The following AGAP1 variants were observed in gnomAD, a reference collection of about 807,000 sequenced individuals.
The protein encoded by AGAP1 is ArfGAP with GTPase domain, ankyrin repeat and PH domain 1, also known as arf-GAP with GTPase, ANK repeat and PH domain-containing protein 1.
AGAP1 carries 29 observed loss-of-function variants against 105.3 expected under a neutral mutation model. That is an observed-to-expected ratio of 0.28 (90% confidence interval 0.21 to 0.38). The LOEUF (loss-of-function observed/expected upper bound fraction) is 0.38. AGAP1 is among the 10% of genes least tolerant of loss of function. AGAP1 has a pLI of 1.00. For synonymous variants in AGAP1, 509 were observed against 485.9 expected (o/e 1.05, Z -0.63); for missense variants, 998 against 1,165.1 (o/e 0.86, Z 2.09).
rs1951483665 is a variant in AGAP1 at position 235,723,393 on chromosome 2, G to T, written c.310+5749G>T. 6.6e-6 allele frequency among the ~76,000 whole-genome samples: 1 copy of T among 152,160 alleles called. No homozygotes were observed. The highest frequency in any genetic ancestry group is 2.4e-5 in the African/African-American group (1 of 41,426). On this transcript the variant is annotated intron_variant, in intron 3 of 17. Coordinates refer to ENST00000304032, the MANE Select transcript of AGAP1 (RefSeq NM_001037131.3). This position sits in a 1 kb window ranked among gnomAD's most constrained non-coding sequence, Gnocchi z 6.2. Reference sequence around the variant, plus strand: ...AAGAGAAAAAGTCAAAGGAAACAAAGCTAGGATGTCCAGTATTATGTGGAC... The same window carrying T: ...AAGAGAAAAAGTCAAAGGAAACAAATCTAGGATGTCCAGTATTATGTGGAC...
At chr2:235,878,404 T>G (rs2049851655) in intron 9 of AGAP1, among the ~76,000 whole-genome samples, 2 of 152,158 alleles carry the variant, frequency 1.3e-5, no homozygotes, top group Non-Finnish European at 2.9e-5. Flanking sequence ...GTCGCTGTGT[T>G]GCACAACCCC....
At position 235,842,130 on chromosome 2, in the gene AGAP1, G is replaced by T. The variant is rs1024080706; in HGVS notation, c.1050+34799G>T. ...GGCTGCCCCTCTCCCCAGCCTGCTG[G>T]CGTTGGGCTTCCTCCGCTCCTGGTT... On this transcript the variant is annotated intron_variant, in intron 9 of 17. Coordinates refer to ENST00000304032, the MANE Select transcript of AGAP1 (RefSeq NM_001037131.3). The surrounding 1 kb of genome is among the most constrained non-coding windows in gnomAD (Gnocchi z 5.3). Among the ~76,000 whole-genome samples, 4 of 152,210 alleles carry T rather than the reference G, an allele frequency of 2.6e-5. No individual in the cohort carries two copies. Among genetic ancestry groups the T allele is most frequent in the Non-Finnish European group, 5.9e-5 (4 of 68,042 alleles).
Position 235,882,447 on chromosome 2 carries a change from G to A in AGAP1, c.1051-898G>A. ...CTGCGTCTCCGTTTTCTTCAGCTTGGCCCTATTGAAGCTGGCGATTCCCCC... is the reference window on the plus strand; with the variant it reads ...CTGCGTCTCCGTTTTCTTCAGCTTGACCCTATTGAAGCTGGCGATTCCCCC... On this transcript the variant is annotated intron_variant, in intron 9 of 17. Coordinates refer to ENST00000304032, the MANE Select transcript of AGAP1 (RefSeq NM_001037131.3). This position sits in a 1 kb window ranked among gnomAD's most constrained non-coding sequence, Gnocchi z 4.6. 1 of 1,586,008 alleles carries A rather than the reference G, an allele frequency of 6.3e-7. No homozygotes were observed. Among genetic ancestry groups the A allele is most frequent in the Non-Finnish European group, 8.6e-7 (1 of 1,158,022 alleles).
At chr2:235,849,828 A>G (rs1008850512) in intron 9 of AGAP1, among the ~76,000 whole-genome samples, 5 of 152,140 alleles carry the variant, frequency 3.3e-5, no homozygotes, top group Non-Finnish European at 5.9e-5. Flanking sequence ...GAAGACGAGC[A>G]TGGTCTGGGC....
chr2:235,911,882 A>G (rs1332488528), intron 11 of AGAP1, among the ~76,000 whole-genome samples: 2 of 152,234 alleles, frequency 1.3e-5, no homozygotes, highest in African/African-American at 4.8e-5. Flanking sequence ...CCAACTAGGG[A>G]TAGAGAAGTG....
chr2:235,660,309 G>A lies in AGAP1; in HGVS notation c.164-48870G>A, dbSNP rs1288845869. ...GGAGGCACTGTGTGGAAGGGTAAAT[G>A]GGCTTCCTGGGGGTTTAGTACAAGT... On this transcript the variant is annotated intron_variant, in intron 1 of 17. Transcript: ENST00000304032. This position sits in a 1 kb window ranked among gnomAD's most constrained non-coding sequence, Gnocchi z 5.3. Among the ~76,000 whole-genome samples, 3 of 152,160 alleles carry A rather than the reference G, an allele frequency of 2.0e-5. No individual in the cohort carries two copies. Among genetic ancestry groups the A allele is most frequent in the Non-Finnish European group, 2.9e-5 (2 of 68,018 alleles).
At position 235,750,433 on chromosome 2, in the gene AGAP1, G is replaced by A. The variant is rs139143512; in HGVS notation, c.618G>A (p.Thr206=). 2.5e-5 allele frequency: 41 copies of A among 1,614,160 alleles called. No individual in the cohort carries two copies. The African/African-American group carries it at 2.9e-4, about 12-fold the overall frequency. Reference sequence around the variant, plus strand: ...TCTCCAACGACCTGAAACGGTGCACGTACTACGAGACGTGTGCTACATACG... The same window carrying A: ...TCTCCAACGACCTGAAACGGTGCACATACTACGAGACGTGTGCTACATACG... The part of the protein sequence containing the change: ...RKLSNDLKRC[T]YYETCATYGL... The change falls in exon 6 of 18, where the codon ACG becomes ACA. Residue 206 remains threonine (T), a synonymous_variant. Coordinates refer to ENST00000304032, the MANE Select transcript of AGAP1 (RefSeq NM_001037131.3). This position sits in a 1 kb window ranked among gnomAD's most constrained non-coding sequence, Gnocchi z 5.3.
chr2:236,052,101 G>A (rs1356561049), intron 16 of AGAP1, among the ~76,000 whole-genome samples: 2 of 152,114 alleles, frequency 1.3e-5, no homozygotes, highest in Non-Finnish European at 2.9e-5. Flanking sequence ...ACAGCTGGAA[G>A]GTTCTTTTAA....
rs1952532872 is a variant in AGAP1, at chr2:235,740,770, G to C, written c.311-193G>C. Among the ~76,000 whole-genome samples the C allele has an allele frequency of 6.6e-6, 1 of 152,252 alleles. No homozygotes were observed. The highest frequency in any genetic ancestry group is 2.1e-4 in the South Asian group (1 of 4,834). Reference sequence around the variant, plus strand: ...GCCTTCCAACTGGAAACGCACAGGGGTTCTTAAAGACAAACATTTAAATCT... The same window carrying C: ...GCCTTCCAACTGGAAACGCACAGGGCTTCTTAAAGACAAACATTTAAATCT... On this transcript the variant is annotated intron_variant, in intron 3 of 17. Transcript: ENST00000304032. This position sits in a 1 kb window ranked among gnomAD's most constrained non-coding sequence, Gnocchi z 5.7.
chr2:235,938,877 T>C (rs1365870859), intron 12 of AGAP1, among the ~76,000 whole-genome samples: 1 of 151,972 alleles, frequency 6.6e-6, no homozygotes, highest in African/African-American at 2.4e-5. Context: ...TGGCTGCCCA[T>C]TATATTCTTG....
In AGAP1 at chr2:235,919,770, G is replaced by T. The variant is rs1285707074; in HGVS notation, c.1324+10864G>T. The stretch of plus-strand genomic sequence containing the variant: ...AAGGAGAAAGAATATTGTAAAGATG[G>T]AACCGTTATTCATGGCAAAGGAAGA... On this transcript the variant is annotated intron_variant, in intron 11 of 17. Coordinates refer to ENST00000304032, the MANE Select transcript of AGAP1 (RefSeq NM_001037131.3). This position sits in a 1 kb window ranked among gnomAD's most constrained non-coding sequence, Gnocchi z 4.1. 2.6e-5 allele frequency among the ~76,000 whole-genome samples: 4 copies of T among 152,122 alleles called. No homozygotes were observed. The highest frequency in any genetic ancestry group is 5.9e-5 in the Non-Finnish European group (4 of 68,014).
intron 1 of AGAP1, among the ~76,000 whole-genome samples, chr2:235,536,872 T>C (rs1426776084): frequency 6.6e-6 from 1 of 152,190 alleles, no homozygotes; most frequent in Non-Finnish European, 1.5e-5. Flanking sequence ...TTCCAGGGAC[T>C]GCGGCTTCCT....
Position 236,123,839 on chromosome 2 carries a change from A to G in AGAP1, c.2371-80A>G, listed in dbSNP as rs2059958760. 1.9e-6 allele frequency: 3 copies of G among 1,549,872 alleles called. No homozygotes were observed. Among genetic ancestry groups the G allele is most frequent in the East Asian group, 4.5e-5 (2 of 44,108 alleles). ...GCTGTCCAAGCACAAGCCACATGCA[A>G]GGGCTGAGAGAAAGCTTCCCTGCCC... On this transcript the variant is annotated intron_variant, in intron 17 of 17. Coordinates refer to ENST00000304032, the MANE Select transcript of AGAP1 (RefSeq NM_001037131.3). This position sits in a 1 kb window ranked among gnomAD's most constrained non-coding sequence, Gnocchi z 4.6.
At chr2:236,107,325 C>G (rs2059524016) in intron 16 of AGAP1, among the ~76,000 whole-genome samples, 1 of 152,200 alleles carries the variant, frequency 6.6e-6, no homozygotes, top group African/African-American at 2.4e-5. Context: ...AGACACCAAA[C>G]AGACCCTTGG....
chr2:235,754,998 A>G lies in AGAP1; in HGVS notation c.673+4510A>G, dbSNP rs1380874602. On this transcript the variant is annotated intron_variant, in intron 6 of 17. Transcript: ENST00000304032. The surrounding 1 kb of genome is among the most constrained non-coding windows in gnomAD (Gnocchi z 4.6). ...TTGCGGGGCTGGGTGAGCTGGTTCC[A>G]CAAGATGGTTTCTGCTTGACCTGGG... is the stretch of plus-strand genomic sequence containing the variant. Among the ~76,000 whole-genome samples the G allele has an allele frequency of 1.3e-5, 2 of 152,178 alleles. No homozygotes were observed. Among genetic ancestry groups the G allele is most frequent in the Non-Finnish European group, 1.5e-5 (1 of 68,034 alleles).
chr2:235,561,500 T>G (rs1307474172), intron 1 of AGAP1, among the ~76,000 whole-genome samples: 2 of 152,112 alleles, frequency 1.3e-5, no homozygotes, highest in Non-Finnish European at 2.9e-5. Context: ...GGCTGCTGAC[T>G]TGGAGGGATG....
intron 16 of AGAP1, among the ~76,000 whole-genome samples, chr2:236,057,328 C>A (rs546720875): frequency 6.6e-6 from 1 of 152,302 alleles, no homozygotes; most frequent in African/African-American, 2.4e-5. Flanking sequence ...AGGCTGGTCT[C>A]AAACTCCTGA....
rs2052722266 is a variant in AGAP1 at position 235,931,560 on chromosome 2, C to G, written c.1483+637C>G. Among the ~76,000 whole-genome samples, 2 of 152,170 alleles carry G rather than the reference C, an allele frequency of 1.3e-5. No individual in the cohort carries two copies. The highest frequency in any genetic ancestry group is 2.9e-5 in the Non-Finnish European group (2 of 68,016). On this transcript the variant is annotated intron_variant, in intron 12 of 17. Coordinates refer to ENST00000304032, the MANE Select transcript of AGAP1 (RefSeq NM_001037131.3). The surrounding 1 kb of genome is among the most constrained non-coding windows in gnomAD (Gnocchi z 5.6). Reference sequence around the variant, plus strand: ...CGCAGCACCGAGGGCACCCTGGTGGCTGCAGCAGGGTTTGCCTGTGGCGTT... The same window carrying G: ...CGCAGCACCGAGGGCACCCTGGTGGGTGCAGCAGGGTTTGCCTGTGGCGTT...
At chr2:235,511,264 G>T (rs1030899094) in intron 1 of AGAP1, among the ~76,000 whole-genome samples, 1 of 151,822 alleles carries the variant, frequency 6.6e-6, no homozygotes, top group African/African-American at 2.4e-5. Flanking sequence ...TTACTCTGGT[G>T]CACGATTCTG....
Sources: gnomAD v4.1 joint callset for allele counts (sites outside exome capture counted in the v4.1 genomes callset) on GRCh38, gnomAD v4.1.1 for gene constraint, Gnocchi (gnomAD v3.1) non-coding constraint, MANE v1.5 for transcripts, NCBI Gene and HGNC (gene_info 2026-07-23, HGNC 2026-07-21) for gene names.